The following COBLL1 variants were observed in gnomAD, a reference collection of about 807,000 sequenced individuals.
COBLL1 encodes the protein cordon-bleu WH2 repeat protein like 1, also known as cordon-bleu protein-like 1.
Under a neutral mutation model 94.8 loss-of-function variants are expected in COBLL1, and 50 were observed. That is an observed-to-expected ratio of 0.53 (90% CI 0.42 to 0.67). The LOEUF (loss-of-function observed/expected upper bound fraction) is 0.67. Among genes scored for constraint, COBLL1 ranks in the 30% least tolerant of loss-of-function variants. The probability of loss-of-function intolerance (pLI) is 0.00; values close to 1 mark genes in which losing one functional copy is unlikely to be tolerated. For missense variants in COBLL1, 1,362 were observed against 1,348.7 expected (o/e 1.01, Z -0.15); for synonymous variants, 448 against 473.8 (o/e 0.95, Z 0.71).
intron 1 of COBLL1, among the ~76,000 whole-genome samples, chr2:164,673,760 A>G (rs936725791): frequency 2.3e-4 from 35 of 152,336 alleles, no homozygotes; most frequent in African/African-American, 7.9e-4. Flanking sequence ...TACAAGTACT[A>G]TGAAAGAGTT....
At chr2:164,842,050 C>A, upstream of COBLL1, 1 of 1,526,748 alleles carries the variant, frequency 6.5e-7, no homozygotes, top group South Asian at 1.2e-5. Flanking sequence ...GGCATTGGAG[C>A]GAGGGAAGCA....
At chr2:164,756,513 T>C (rs1001519523) in intron 2 of COBLL1, among the ~76,000 whole-genome samples, 4 of 152,204 alleles carry the variant, frequency 2.6e-5, no homozygotes, top group Non-Finnish European at 5.9e-5. Flanking sequence ...TATATTTTTA[T>C]AAAAGTTGAT....
chr2:164,760,691 G>T (rs1174232175), intron 2 of COBLL1, among the ~76,000 whole-genome samples: 1 of 152,028 alleles, frequency 6.6e-6, no homozygotes, highest in East Asian at 1.9e-4. Flanking sequence ...AGGGCACAGA[G>T]AAACTTTCTG....
chr2:164,736,956 A>G (rs1686340845), intron 3 of COBLL1, among the ~76,000 whole-genome samples: 1 of 152,168 alleles, frequency 6.6e-6, no homozygotes, highest in Non-Finnish European at 1.5e-5. Flanking sequence ...GTATTTTCCA[A>G]CTTTCTAAAA....
chr2:164,809,796 C>T (rs1023154567), intron 2 of COBLL1, among the ~76,000 whole-genome samples: 1 of 151,810 alleles, frequency 6.6e-6, no homozygotes, highest in East Asian at 1.9e-4. Flanking sequence ...GCACTGTACA[C>T]ATTTAAGCTC....
At chr2:164,777,162 T>A (rs1365487723) in intron 2 of COBLL1, among the ~76,000 whole-genome samples, 2 of 140,558 alleles carry the variant, frequency 1.4e-5, no homozygotes, top group African/African-American at 5.3e-5. Flanking sequence ...TAGTACAAGT[T>A]TAATTTTGAA....
chr2:164,834,396 G>T (rs1683227060), intron 2 of COBLL1, among the ~76,000 whole-genome samples: 1 of 152,064 alleles, frequency 6.6e-6, no homozygotes, highest in Admixed American at 6.6e-5. Context: ...TCTAAAATGT[G>T]TGCCAACAGC....
At chr2:164,726,203 T>G (rs1480828170) in intron 5 of COBLL1, among the ~76,000 whole-genome samples, 4 of 152,064 alleles carry the variant, frequency 2.6e-5, no homozygotes, top group Non-Finnish European at 5.9e-5. Flanking sequence ...AGTGGCAAAA[T>G]TAGGAGTAAA....
Position 164,841,246 on chromosome 2 carries a change from G to A in COBLL1, c.-50C>T, listed in dbSNP as rs865958012. The A allele has an allele frequency of 2.7e-5, 33 of 1,226,824 alleles. No homozygotes were observed. The Middle Eastern group carries it at 1.3e-3, about 47-fold the overall frequency. 76.0% of individuals were successfully genotyped at this position (1,226,824 alleles called of 1,614,324 possible). On this transcript the variant is annotated splice_region_variant and 5_prime_UTR_variant, in exon 2 of 14. Coordinates refer to ENST00000652658, the MANE Select transcript of COBLL1 (RefSeq NM_001365672.2). This position sits in a 1 kb window ranked among gnomAD's most constrained non-coding sequence, Gnocchi z 5.5. The stretch of plus-strand genomic sequence containing the variant: ...TCCAGCTCCCAGGCGGCGCGTCACT[G>A]CTGGGGTGGGAGAGGCCGGCGGGTC...
At chr2:164,784,940 G>T (rs77625291) in intron 2 of COBLL1, among the ~76,000 whole-genome samples, 29 of 152,186 alleles carry the variant, frequency 1.9e-4, no homozygotes, top group African/African-American at 7.0e-4. Context: ...GGGAGGTGGG[G>T]CCTAATGAGA....
intron 2 of COBLL1, among the ~76,000 whole-genome samples, chr2:164,659,272 C>T (rs557615751): frequency 4.3e-4 from 65 of 152,138 alleles, no homozygotes; most frequent in South Asian, 1.2e-3. Flanking sequence ...CTGCATACCC[C>T]GCTTTTTGAA....
chr2:164,724,698 T>C (rs1685628918), intron 5 of COBLL1: 1 of 152,110 alleles, frequency 6.6e-6, no homozygotes, highest in Admixed American at 6.5e-5. Context: ...AAAGCTAAAC[T>C]AATAGATAAA....
At chr2:164,731,422 T>C (rs192990197) in intron 3 of COBLL1, among the ~76,000 whole-genome samples, 70 of 152,358 alleles carry the variant, frequency 4.6e-4, no homozygotes, top group Admixed American at 2.4e-3. Flanking sequence ...ATTCTCATTG[T>C]TGACACAGAC....
chr2:164,828,178 C>T (rs1327558389), intron 2 of COBLL1, among the ~76,000 whole-genome samples: 2 of 152,170 alleles, frequency 1.3e-5, no homozygotes, highest in Non-Finnish European at 2.9e-5. Context: ...TAATTTGTCT[C>T]CATCTCCAAC....
At chr2:164,664,621 C>T (rs745410283) in intron 2 of COBLL1, among the ~76,000 whole-genome samples, 1 of 152,076 alleles carries the variant, frequency 6.6e-6, no homozygotes, top group Non-Finnish European at 1.5e-5. Flanking sequence ...ACTATTCAAC[C>T]GTAAGACTAA....
chr2:164,748,253 C>T (rs1166517319), intron 2 of COBLL1, among the ~76,000 whole-genome samples: 1 of 152,158 alleles, frequency 6.6e-6, no homozygotes, highest in Admixed American at 6.6e-5. Flanking sequence ...TGGATTTGGC[C>T]TGAATCCTAA....
At chr2:164,818,360 G>A (rs953590643) in intron 2 of COBLL1, among the ~76,000 whole-genome samples, 6 of 144,868 alleles carry the variant, frequency 4.1e-5, no homozygotes, top group South Asian at 2.4e-4. Flanking sequence ...GTGCATATAC[G>A]TATGTGTACA....
At chr2:164,721,922 T>C in intron 7 of COBLL1, 153 bp downstream of exon 7, 1 of 516,852 alleles carries the variant, frequency 1.9e-6, no homozygotes. Context: ...GAATGAGCTA[T>C]TCATCTTATT....
intron 2 of COBLL1, among the ~76,000 whole-genome samples, chr2:164,751,447 G>C (rs1687121107): frequency 6.6e-6 from 1 of 152,080 alleles, no homozygotes; most frequent in South Asian, 2.1e-4. Flanking sequence ...CAGTTCATAG[G>C]AGAGCAAAAA....
Sources: gnomAD v4.1 joint callset for allele counts (sites outside exome capture counted in the v4.1 genomes callset) on GRCh38, gnomAD v4.1.1 for gene constraint, Gnocchi (gnomAD v3.1) non-coding constraint, MANE v1.5 for transcripts, NCBI Gene and HGNC (gene_info 2026-07-23, HGNC 2026-07-21) for gene names.